EIF5B: variants seen among roughly 807,000 people sequenced by gnomAD.
The protein encoded by EIF5B is eukaryotic translation initiation factor 5B, also known as eIF-5B.
In EIF5B, 47 loss-of-function variants were observed where a neutral mutation model predicts 147.5. That is an observed-to-expected ratio of 0.32 (90% CI 0.25 to 0.41). The LOEUF (loss-of-function observed/expected upper bound fraction) is 0.41, where lower values mean the gene tolerates loss of function less well. Ranked by LOEUF, EIF5B falls within the 10% of genes least tolerant of loss-of-function variation. The pLI, the probability that EIF5B is intolerant of heterozygous loss-of-function variation, is 1.00. For synonymous variants in EIF5B, 455 were observed against 456.2 expected, an observed-to-expected ratio of 1.00 and a Z score of 0.03; for missense variants, 1,064 against 1,413.2, an observed-to-expected ratio of 0.75 and a Z score of 3.96.
intron 1 of EIF5B, chr2:99,338,221 A>G (rs957357336): frequency 2.3e-6 from 2 of 859,592 alleles, no homozygotes; most frequent in Non-Finnish European, 3.3e-6. Flanking sequence ...TAAGAAAGGA[A>G]GGGAAGAAGA....
intron 1 of EIF5B, among the ~76,000 whole-genome samples, chr2:99,346,773 C>G (rs547655841): frequency 6.6e-6 from 1 of 150,986 alleles, no homozygotes; most frequent in Non-Finnish European, 1.5e-5. Flanking sequence ...GGTTTCATCG[C>G]GTTAGCCAGG....
Position 99,382,819 on chromosome 2 carries a change from C to T in EIF5B, c.2169C>T (p.Ala723=). The T allele has an allele frequency of 6.2e-7, 1 of 1,610,788 alleles. No individual in the cohort carries two copies. ...RNRGSSLCDI[A]ILVVDIMHGL... is the part of the protein sequence containing the mutation. Reference sequence around the variant, plus strand: ...GAGGAAGCTCTCTTTGTGACATTGCCATTTTAGTTGTTGATATTATGCATG... The same window carrying T: ...GAGGAAGCTCTCTTTGTGACATTGCTATTTTAGTTGTTGATATTATGCATG... Residue 723 remains alanine, a synonymous_variant, in exon 14 of 24, where the codon GCC becomes GCT. Coordinates refer to ENST00000289371, the MANE Select transcript of EIF5B (RefSeq NM_015904.4).
At chr2:99,361,866 A>C (rs776635893) in intron 4 of EIF5B, 46 bp downstream of exon 4, 1 of 1,476,290 alleles carries the variant, frequency 6.8e-7, no homozygotes, top group Non-Finnish European at 8.9e-7. Context: ...TTTGATTCAC[A>C]GTATAAGTTG....
At chr2:99,343,957 C>G (rs930863335) in intron 1 of EIF5B, among the ~76,000 whole-genome samples, 1 of 150,832 alleles carries the variant, frequency 6.6e-6, no homozygotes, top group Non-Finnish European at 1.5e-5. Context: ...CTCGCTCTGT[C>G]GCCTAGGCTG....
chr2:99,356,596 C>G (rs1296240903), intron 1 of EIF5B, among the ~76,000 whole-genome samples: 1 of 152,102 alleles, frequency 6.6e-6, no homozygotes, highest in Non-Finnish European at 1.5e-5. Context: ...TCATGTGTCC[C>G]TTTGTCATAG....
chr2:99,369,441 A>G lies in EIF5B; in HGVS notation c.1437A>G (p.Gly479=), dbSNP rs1369697375. 1 of 1,611,190 alleles carries G rather than the reference A, an allele frequency of 6.2e-7. No homozygotes were observed. Among genetic ancestry groups the G allele is most frequent in the South Asian group, 1.1e-5 (1 of 90,992 alleles). Residue 479 remains glycine, a synonymous_variant, in exon 8 of 24, where the codon GGA becomes GGG. Transcript: ENST00000289371. ...LCAAVEVMEQ[G]VPEKEETPPP... is the part of the protein sequence containing the mutation. ...CTGCTGTAGAAGTTATGGAACAAGG[A>G]GTACCAGAAAAGGAAGAGACACCAC... is the stretch of plus-strand genomic sequence containing the variant.
intron 18 of EIF5B, among the ~76,000 whole-genome samples, chr2:99,393,475 CA>C (rs1459148366): frequency 6.6e-6 from 1 of 151,614 alleles, no homozygotes; most frequent in East Asian, 1.9e-4. Context: ...CACTGCACTC[CA>C]ACCTGGGTGA....
At position 99,338,922 on chromosome 2, in the gene EIF5B, G is replaced by A. The variant is rs866579059; in HGVS notation, c.35+1333G>A. ...TTCATCCCACCTACTAGAAGTGTGT[G>A]TATATATATATATATACAAATATAT... On this transcript the variant is annotated intron_variant, in intron 1 of 23. Transcript: ENST00000289371. Among the ~76,000 whole-genome samples, 3 of 142,308 alleles carry A rather than the reference G, an allele frequency of 2.1e-5. No homozygotes were observed. The Admixed American group carries it at 2.2e-4, about 10-fold the overall frequency. The allele number at this position is 142,308 out of a possible 152,430, so 93.4% of individuals were successfully genotyped here. A position where few individuals can be genotyped will look rare whatever the true frequency, so the allele number is the denominator to read the frequency against.
chr2:99,379,783 C>T (rs1231723255), intron 12 of EIF5B, among the ~76,000 whole-genome samples: 2 of 152,192 alleles, frequency 1.3e-5, no homozygotes, highest in Non-Finnish European at 2.9e-5. Flanking sequence ...AATTTCTTTT[C>T]TTTTTCTCCC....
intron 8 of EIF5B, 153 bp downstream of exon 8, chr2:99,369,634 T>C: frequency 3.7e-6 from 2 of 545,368 alleles, no homozygotes; most frequent in South Asian, 4.6e-5. Context: ...TCTTTTCTAT[T>C]TCTTTTCATT....
intron 6 of EIF5B, among the ~76,000 whole-genome samples, chr2:99,365,776 C>T (rs1674313469): frequency 6.6e-6 from 1 of 151,906 alleles, no homozygotes; most frequent in Non-Finnish European, 1.5e-5. Flanking sequence ...CCAGTGTTTA[C>T]CATCTTATTA....
intron 1 of EIF5B, among the ~76,000 whole-genome samples, chr2:99,358,509 A>G (rs1263667237): frequency 1.3e-5 from 2 of 152,190 alleles, no homozygotes; most frequent in Non-Finnish European, 2.9e-5. Flanking sequence ...TTCATCTGTA[A>G]AGGAAGAAGA....
rs1047675153 is a variant in EIF5B, at chr2:99,389,977, ATTC to A, written c.2403+135_2403+137del. 48 of 1,320,058 alleles carry A rather than the reference ATTC, an allele frequency of 3.6e-5. No individual in the cohort carries two copies. The African/African-American group carries it at 5.4e-4, about 15-fold the overall frequency. The allele number at this position is 1,320,058 out of a possible 1,614,324, so 81.8% of individuals were successfully genotyped here. A position where few individuals can be genotyped will look rare whatever the true frequency, so the allele number is the denominator to read the frequency against. On this transcript the variant is annotated intron_variant, in intron 15 of 23. Coordinates refer to ENST00000289371, the MANE Select transcript of EIF5B (RefSeq NM_015904.4). ...TGTTGACAGCAATTACTTTTTTTAA[ATTC>A]TTCTTCCCTTTTCTCCTTTTTCTTT...
Position 99,382,230 on chromosome 2 carries a change from A to G in EIF5B, c.2129+4A>G. 1.2e-6 allele frequency: 2 copies of G among 1,612,488 alleles called. No individual in the cohort carries two copies. The highest frequency in any genetic ancestry group is 1.7e-6 in the Non-Finnish European group (2 of 1,178,984). On this transcript the variant is annotated splice_donor_region_variant and intron_variant, in intron 13 of 23. Coordinates refer to ENST00000289371, the MANE Select transcript of EIF5B (RefSeq NM_015904.4). The stretch of plus-strand genomic sequence containing the variant: ...CTCCTGGGCATGAATCTTTCAGGTA[A>G]GAGCAATTTGAGTCTTTTCTCATCA...
chr2:99,385,150 G>A (rs561177348), intron 14 of EIF5B, among the ~76,000 whole-genome samples: 17 of 152,222 alleles, frequency 1.1e-4, no homozygotes, highest in Non-Finnish European at 2.2e-4. Flanking sequence ...GGGTTCAAGC[G>A]ATTCTCCTGC....
intron 1 of EIF5B, among the ~76,000 whole-genome samples, chr2:99,358,213 T>G (rs1042108238): frequency 1.3e-5 from 2 of 152,110 alleles, no homozygotes; most frequent in Admixed American, 1.3e-4. Context: ...ACAAGAGGCA[T>G]GCGCCACCAT....
In EIF5B at chr2:99,400,500, A is replaced by AAAG. The variant is rs1457027450; in HGVS notation, c.*1087_*1089dup. On this transcript the variant is annotated 3_prime_UTR_variant, in exon 24 of 24. Transcript: ENST00000289371. ...TAGAATTTTAAACTATTTTTATTTT[A>AAAG]AAGTTATGGCATAACATATAACATA... The AAAG allele has an allele frequency of 6.6e-6, 1 of 152,184 alleles. No individual in the cohort carries two copies. The highest frequency in any genetic ancestry group is 1.5e-5 in the Non-Finnish European group (1 of 68,040). The allele number at this position is 152,184 out of a possible 1,614,324, so 9.4% of individuals were successfully genotyped here. A position where few individuals can be genotyped will look rare whatever the true frequency, so the allele number is the denominator to read the frequency against.
intron 6 of EIF5B, 124 bp downstream of exon 6, chr2:99,364,545 G>T: frequency 7.5e-6 from 7 of 928,946 alleles, no homozygotes; most frequent in Non-Finnish European, 1.1e-5. Flanking sequence ...CTGTGAAAAA[G>T]TTCAGTAAAA....
At chr2:99,396,248 C>T (rs1049057473) in intron 21 of EIF5B, among the ~76,000 whole-genome samples, 7 of 152,144 alleles carry the variant, frequency 4.6e-5, no homozygotes, top group Non-Finnish European at 8.8e-5. Context: ...GCATTTTAAG[C>T]GTGTGCTCAA....
Sources: allele counts gnomAD v4.1 joint callset (sites outside exome capture counted in the v4.1 genomes callset), GRCh38; gene constraint gnomAD v4.1.1; transcripts MANE v1.5; gene names NCBI Gene and HGNC (gene_info 2026-07-23, HGNC 2026-07-21).